TRAM2: variants seen among roughly 807,000 people sequenced by gnomAD.
TRAM2 encodes the protein translocating chain-associated membrane protein 2.
TRAM2 carries 12 observed loss-of-function variants against 51.0 expected under a neutral mutation model. The ratio of observed to expected loss-of-function variants is 0.24; its 90% confidence interval spans 0.15 to 0.38. The LOEUF (loss-of-function observed/expected upper bound fraction) is 0.38, where lower values mean the gene tolerates loss of function less well. Among genes scored for constraint, TRAM2 ranks in the 10% least tolerant of loss-of-function variants. The pLI, the probability that TRAM2 is intolerant of heterozygous loss-of-function variation, is 1.00. For missense variants in TRAM2, 361 were observed against 462.0 expected, an observed-to-expected ratio of 0.78 and a Z score of 2.00; for synonymous variants, 175 against 179.4, an observed-to-expected ratio of 0.98 and a Z score of 0.20.
intron 1 of TRAM2, among the ~76,000 whole-genome samples, chr6:52,576,087 G>A (rs888427497): frequency 2.0e-5 from 3 of 152,156 alleles, no homozygotes; most frequent in African/African-American, 7.2e-5. Context: ...AAAGTGGAGG[G>A]TATCCCTGTC....
At chr6:52,541,939 C>T (rs1044592430) in intron 1 of TRAM2, among the ~76,000 whole-genome samples, 1 of 151,748 alleles carries the variant, frequency 6.6e-6, no homozygotes, top group African/African-American at 2.4e-5. Context: ...TGACTTCTGT[C>T]CCACGGACAC....
chr6:52,560,420 A>C (rs1325058433), intron 1 of TRAM2, among the ~76,000 whole-genome samples: 1 of 152,218 alleles, frequency 6.6e-6, no homozygotes, highest in Non-Finnish European at 1.5e-5. Context: ...GGCTCATCCT[A>C]TACATACTAA....
chr6:52,546,502 T>C (rs1581695343), intron 1 of TRAM2, among the ~76,000 whole-genome samples: 1 of 152,180 alleles, frequency 6.6e-6, no homozygotes, highest in African/African-American at 2.4e-5. Context: ...CATCCAGGCC[T>C]GGACTTAGGT....
At chr6:52,557,580 A>G (rs1395966479) in intron 1 of TRAM2, among the ~76,000 whole-genome samples, 1 of 152,218 alleles carries the variant, frequency 6.6e-6, no homozygotes, top group Non-Finnish European at 1.5e-5. Context: ...CCACGCATGC[A>G]TAACACCGTA....
intron 1 of TRAM2, among the ~76,000 whole-genome samples, chr6:52,541,803 G>GTTTTTT (rs56919932): frequency 1.2e-4 from 17 of 138,700 alleles, no homozygotes; most frequent in Non-Finnish European, 9.4e-5. Context: ...AGTTTATTCT[G>GTTTTTT]TTTTTTTTTT....
At chr6:52,556,197 G>A (rs1420214402) in intron 1 of TRAM2, among the ~76,000 whole-genome samples, 2 of 152,014 alleles carry the variant, frequency 1.3e-5, no homozygotes, top group African/African-American at 4.8e-5. Context: ...GGGGCTGGGG[G>A]CTCAGGCACG....
chr6:52,542,222 T>C (rs924999380), intron 1 of TRAM2, among the ~76,000 whole-genome samples: 4 of 151,730 alleles, frequency 2.6e-5, no homozygotes, highest in Non-Finnish European at 5.9e-5. Context: ...CAAGAAAACC[T>C]TGGAAAGTTA....
At chr6:52,546,702 G>T (rs1408285426) in intron 1 of TRAM2, among the ~76,000 whole-genome samples, 1 of 152,142 alleles carries the variant, frequency 6.6e-6, no homozygotes, top group African/African-American at 2.4e-5. Context: ...ATGGCTGGGG[G>T]TGTGAGAGGG....
chr6:52,522,198 C>G (rs1246494519), intron 2 of TRAM2, among the ~76,000 whole-genome samples: 1 of 152,224 alleles, frequency 6.6e-6, no homozygotes, highest in African/African-American at 2.4e-5. Flanking sequence ...AAAATAAATA[C>G]ACGTTAAAAC....
chr6:52,534,305 C>A (rs1030957020), intron 2 of TRAM2, among the ~76,000 whole-genome samples: 24 of 152,060 alleles, frequency 1.6e-4, no homozygotes, highest in Non-Finnish European at 1.0e-4. Flanking sequence ...CGCTTCAACC[C>A]GGGAGGTGGA....
Position 52,501,127 on chromosome 6 carries a change from C to T in TRAM2, c.*2070G>A, listed in dbSNP as rs1766212691. The T allele has an allele frequency of 6.6e-6, 1 of 152,208 alleles. No individual in the cohort carries two copies. Among genetic ancestry groups the T allele is most frequent in the Admixed American group, 6.5e-5 (1 of 15,272 alleles). 9.4% of individuals were successfully genotyped at this position (152,208 alleles called of 1,614,324 possible). A position where few individuals can be genotyped will look rare whatever the true frequency, so the allele number is the denominator to read the frequency against. On this transcript the variant is annotated 3_prime_UTR_variant, in exon 11 of 11. Coordinates refer to ENST00000182527, the MANE Select transcript of TRAM2 (RefSeq NM_012288.4). Reference sequence around the variant, plus strand: ...TCTGCTGTGTTGAAACCAAACTGCCCTTTTACCAACGTTTCTGCTGTGCAG... The same window carrying T: ...TCTGCTGTGTTGAAACCAAACTGCCTTTTTACCAACGTTTCTGCTGTGCAG...
At chr6:52,521,521 C>T (rs1240582700) in intron 2 of TRAM2, among the ~76,000 whole-genome samples, 2 of 151,324 alleles carry the variant, frequency 1.3e-5, no homozygotes, top group East Asian at 2.0e-4. Context: ...GTGAAACCCC[C>T]GTCTCCACTA....
intron 2 of TRAM2, among the ~76,000 whole-genome samples, chr6:52,521,676 G>A (rs911947839): frequency 6.6e-6 from 1 of 151,490 alleles, no homozygotes; most frequent in Non-Finnish European, 1.5e-5. Context: ...TAGCCTGGGA[G>A]ACAGAGCGAG....
intron 2 of TRAM2, among the ~76,000 whole-genome samples, chr6:52,532,673 A>G (rs1421610365): frequency 1.3e-5 from 2 of 152,246 alleles, no homozygotes; most frequent in Non-Finnish European, 2.9e-5. Flanking sequence ...AAAACAGGAA[A>G]CCTAAATATC....
chr6:52,522,514 G>A (rs1426812850), intron 2 of TRAM2, among the ~76,000 whole-genome samples: 1 of 152,220 alleles, frequency 6.6e-6, no homozygotes, highest in Non-Finnish European at 1.5e-5. Context: ...TCTGACTACA[G>A]GCCACAGATT....
chr6:52,538,324 A>G (rs1305467706), intron 1 of TRAM2, among the ~76,000 whole-genome samples: 2 of 152,098 alleles, frequency 1.3e-5, no homozygotes, highest in Admixed American at 1.3e-4. Context: ...TCCTCTCTTA[A>G]TGGCACCAGG....
rs1284445264 is a variant in TRAM2 at position 52,502,144 on chromosome 6, CTGAAGCCCT to C, written c.*1044_*1052del. On this transcript the variant is annotated 3_prime_UTR_variant, in exon 11 of 11. Transcript: ENST00000182527. ...TGAACACCAAGGGACCAGCATGGGG[CTGAAGCCCT>C]TGAGACTTAGTGTTTCTGCAGCTAG... is the stretch of plus-strand genomic sequence containing the variant. 1 of 152,258 alleles carries C rather than the reference CTGAAGCCCT, an allele frequency of 6.6e-6. No individual in the cohort carries two copies. The highest frequency in any genetic ancestry group is 1.5e-5 in the Non-Finnish European group (1 of 68,062). 9.4% of individuals were successfully genotyped at this position (152,258 alleles called of 1,614,324 possible). A position where few individuals can be genotyped will look rare whatever the true frequency, so the allele number is the denominator to read the frequency against.
chr6:52,530,352 T>G (rs1345004913), intron 2 of TRAM2, among the ~76,000 whole-genome samples: 1 of 152,190 alleles, frequency 6.6e-6, no homozygotes, highest in African/African-American at 2.4e-5. Flanking sequence ...AAGCTTAATC[T>G]TTTTAACCAG....
At chr6:52,561,160 A>G (rs1047797472) in intron 1 of TRAM2, among the ~76,000 whole-genome samples, 1 of 152,244 alleles carries the variant, frequency 6.6e-6, no homozygotes, top group East Asian at 1.9e-4. Flanking sequence ...GATCCCATGT[A>G]TATTAAATGC....
Sources: gnomAD v4.1 joint callset for allele counts (sites outside exome capture counted in the v4.1 genomes callset) on GRCh38, gnomAD v4.1.1 for gene constraint, MANE v1.5 for transcripts, NCBI Gene and HGNC (gene_info 2026-07-23, HGNC 2026-07-21) for gene names.